LIMD1: variants seen among roughly 807,000 people sequenced by gnomAD.
LIMD1 encodes LIM domain containing 1.
A neutral mutation model predicts 58.4 loss-of-function variants in LIMD1; 23 were observed. The observed-to-expected ratio is 0.39, with a 90% confidence interval of 0.28 to 0.56. The LOEUF (loss-of-function observed/expected upper bound fraction) is 0.56. LIMD1 is among the 20% of genes least tolerant of loss of function. The pLI is 0.57. For missense variants in LIMD1, 838 were observed against 855.5 expected (o/e 0.98, Z 0.25); for synonymous variants, 334 against 345.5 (o/e 0.97, Z 0.37).
intron 1 of LIMD1, among the ~76,000 whole-genome samples, chr3:45,613,629 T>C (rs1465834921): frequency 6.6e-6 from 1 of 151,482 alleles, no homozygotes; most frequent in African/African-American, 2.4e-5. Context: ...TCTGTTAGGA[T>C]TGTTTTTGTG....
intron 7 of LIMD1, among the ~76,000 whole-genome samples, chr3:45,675,124 G>A (rs925054397): frequency 3.9e-5 from 6 of 152,208 alleles, no homozygotes; most frequent in African/African-American, 1.4e-4. Context: ...GAAGAAATGG[G>A]TGGGAATCAT....
intron 1 of LIMD1, among the ~76,000 whole-genome samples, chr3:45,609,932 G>T (rs1358813916): frequency 6.6e-6 from 1 of 152,204 alleles, no homozygotes; most frequent in African/African-American, 2.4e-5. Context: ...GGTGGCCCAT[G>T]CCTGTAATCC....
intron 2 of LIMD1, among the ~76,000 whole-genome samples, chr3:45,636,453 A>G (rs1237661364): frequency 6.6e-6 from 1 of 152,164 alleles, no homozygotes; most frequent in East Asian, 1.9e-4. Context: ...TTAACACAAT[A>G]CCAAAGATTG....
At chr3:45,634,254 G>A (rs897956919) in intron 1 of LIMD1, among the ~76,000 whole-genome samples, 2 of 152,100 alleles carry the variant, frequency 1.3e-5, no homozygotes, top group Non-Finnish European at 2.9e-5. Flanking sequence ...ATATTCCTCC[G>A]TGAATCTTTT....
intron 1 of LIMD1, among the ~76,000 whole-genome samples, chr3:45,621,792 C>T (rs941891464): frequency 1.3e-5 from 2 of 152,096 alleles, no homozygotes; most frequent in Admixed American, 6.5e-5. Context: ...AGGCTGGGCG[C>T]GGTGGCTCAC....
At position 45,685,630 on chromosome 3, in the gene LIMD1, G is replaced by A. The variant is rs1483913338; in HGVS notation, c.*8571G>A. 6.6e-6 allele frequency: 1 copy of A among 152,218 alleles called. No individual in the cohort carries two copies. The highest frequency in any genetic ancestry group is 6.5e-5 in the Admixed American group (1 of 15,282). 9.4% of individuals were successfully genotyped at this position (152,218 alleles called of 1,614,324 possible). ...GCCGTCCATGCCCAGACAGGGAATT[G>A]TCCTTGAACCTACTCATGCGGTGTC... is the stretch of plus-strand genomic sequence containing the variant. On this transcript the variant is annotated 3_prime_UTR_variant, in exon 8 of 8. Transcript: ENST00000273317.
At chr3:45,608,599 G>A (rs1308589064) in intron 1 of LIMD1, among the ~76,000 whole-genome samples, 2 of 152,126 alleles carry the variant, frequency 1.3e-5, no homozygotes, top group East Asian at 3.8e-4. Flanking sequence ...CAACACTTTT[G>A]GAGGCCGAGG....
At chr3:45,669,392 A>G (rs1351942607) in intron 4 of LIMD1, among the ~76,000 whole-genome samples, 2 of 152,224 alleles carry the variant, frequency 1.3e-5, no homozygotes, top group Non-Finnish European at 2.9e-5. Flanking sequence ...TAGAGAAGAT[A>G]ATTTCTAATT....
intron 2 of LIMD1, among the ~76,000 whole-genome samples, chr3:45,654,399 C>T (rs1281842778): frequency 1.3e-5 from 2 of 152,096 alleles, no homozygotes; most frequent in Non-Finnish European, 2.9e-5. Context: ...TATTATTGCA[C>T]GTTTTAGTTT....
intron 1 of LIMD1, among the ~76,000 whole-genome samples, chr3:45,606,523 C>G (rs12630731): frequency 1.3e-5 from 2 of 152,026 alleles, no homozygotes; most frequent in Non-Finnish European, 2.9e-5. Flanking sequence ...TGTCCAGGAG[C>G]CTGTGCCTGC....
chr3:45,657,524 CAAAAAAAAAAAAAA>C (rs71617901), intron 2 of LIMD1, among the ~76,000 whole-genome samples: 1 of 99,606 alleles, frequency 1.0e-5, no homozygotes, highest in South Asian at 3.6e-4. Context: ...GACGCTGTCT[CAAAAAAAAAAAAAA>C]AAAAAAGGAA....
intron 2 of LIMD1, among the ~76,000 whole-genome samples, chr3:45,637,426 G>A (rs775340264): frequency 2.1e-4 from 32 of 152,062 alleles, no homozygotes; most frequent in Admixed American, 1.1e-3. Context: ...GACTACAGAT[G>A]TGCACCAGCA....
rs1491272722 is a variant in LIMD1 at position 45,619,839 on chromosome 3, C to CCA, written c.1409-16311_1409-16310insCA. 2.0e-3 allele frequency among the ~76,000 whole-genome samples: 203 copies of CCA among 101,930 alleles called. 4 individuals carry two copies. Among genetic ancestry groups the CCA allele is most frequent in the Non-Finnish European group, 2.4e-3 (126 of 51,978 alleles). 66.9% of individuals were successfully genotyped at this position (101,930 alleles called of 152,430 possible). ...ATAACCAACCCCCCGCCCCCCCCCC[C>CCA]AAAAAAAGCACATTTTACTGGGCAT... On this transcript the variant is annotated intron_variant, in intron 1 of 7. Transcript: ENST00000273317.
rs542703775 is a variant in LIMD1 at position 45,672,574 on chromosome 3, G to T, written c.1642-116G>T. 1.1e-5 allele frequency: 13 copies of T among 1,184,426 alleles called. No individual in the cohort carries two copies. The South Asian group carries it at 1.7e-4, about 15-fold the overall frequency. The allele number at this position is 1,184,426 out of a possible 1,614,324, so 73.4% of individuals were successfully genotyped here. ...CTCTTCTCCTAGGTGAAACTCGGGG[G>T]TAAGTGTACTCTGTGTGTGACTGCT... On this transcript the variant is annotated intron_variant, in intron 4 of 7. Coordinates refer to ENST00000273317, the MANE Select transcript of LIMD1 (RefSeq NM_014240.3).
intron 2 of LIMD1, among the ~76,000 whole-genome samples, chr3:45,650,486 A>AACCCCCCCCCC (rs1701956536): frequency 2.6e-5 from 1 of 38,474 alleles, no homozygotes. Context: ...TCCCTCCCCC[A>AACCCCCCCCCC]GCCCCCCACC....
intron 2 of LIMD1, among the ~76,000 whole-genome samples, chr3:45,640,509 C>T (rs1701830958): frequency 6.6e-6 from 1 of 152,116 alleles, no homozygotes. Context: ...CCCACTGCAA[C>T]CTCTGCCTCC....
intron 1 of LIMD1, among the ~76,000 whole-genome samples, chr3:45,629,838 G>C (rs1701709099): frequency 6.6e-6 from 1 of 152,206 alleles, no homozygotes; most frequent in Non-Finnish European, 1.5e-5. Flanking sequence ...GGTTTGAGCA[G>C]GGGGGCACTG....
intron 2 of LIMD1, among the ~76,000 whole-genome samples, chr3:45,664,711 G>A (rs1162658970): frequency 2.0e-5 from 3 of 152,226 alleles, no homozygotes; most frequent in African/African-American, 2.4e-5. Context: ...TCCTGTGGGC[G>A]TCACCAGGCG....
At chr3:45,661,956 C>G (rs1697447400) in intron 2 of LIMD1, among the ~76,000 whole-genome samples, 1 of 152,194 alleles carries the variant, frequency 6.6e-6, no homozygotes, top group East Asian at 1.9e-4. Context: ...TGGGATCTTG[C>G]TGTGTTGCCT....
Sources: gnomAD v4.1 joint callset for allele counts (sites outside exome capture counted in the v4.1 genomes callset) on GRCh38, gnomAD v4.1.1 for gene constraint, MANE v1.5 for transcripts, NCBI Gene and HGNC (gene_info 2026-07-23, HGNC 2026-07-21) for gene names.